The following CACNA1S variants were observed in gnomAD, a reference collection of about 807,000 sequenced individuals.
CACNA1S encodes the protein voltage-dependent L-type calcium channel subunit alpha-1S.
In CACNA1S, 126 loss-of-function variants were observed where a neutral mutation model predicts 207.4. That is an observed-to-expected ratio of 0.61 (90% CI 0.53 to 0.70). The LOEUF is 0.70. Ranked by LOEUF, CACNA1S falls within the 30% of genes least tolerant of loss-of-function variation. The pLI is 0.00. For synonymous variants in CACNA1S, 960 were observed against 932.7 expected (o/e 1.03, Z -0.53); for missense variants, 2,349 against 2,422.8 (o/e 0.97, Z 0.64).
rs562885310 is a variant in CACNA1S at position 201,069,252 on chromosome 1, TCAG to T, written c.2491-59_2491-57del. On this transcript the variant is annotated intron_variant, in intron 18 of 43. Transcript: ENST00000362061. The stretch of plus-strand genomic sequence containing the variant: ...GTGAGAGGAGGAGGGGGCAACAGTA[TCAG>T]CAGCAGCAGCAGCATAAAGCAGGCA... 1,861 of 1,528,980 alleles carry T rather than the reference TCAG, an allele frequency of 1.2e-3. 2 individuals carry two copies. The highest frequency in any genetic ancestry group is 1.4e-3 in the Non-Finnish European group (1,596 of 1,103,240). 94.7% of individuals were successfully genotyped at this position (1,528,980 alleles called of 1,614,324 possible).
At chr1:201,105,508 T>C (rs1662844544) in intron 2 of CACNA1S, among the ~76,000 whole-genome samples, 1 of 152,138 alleles carries the variant, frequency 6.6e-6, no homozygotes, top group African/African-American at 2.4e-5. Context: ...AGATTCTAGC[T>C]CCAGAACCCA....
intron 40 of CACNA1S, 97 bp from the exon 41 acceptor site, chr1:201,041,686 T>TGTA (rs928415446): frequency 6.7e-6 from 6 of 895,554 alleles, no homozygotes; most frequent in African/African-American, 3.3e-5. Context: ...CCTCAGAGCC[T>TGTA]GTACAAGGCC....
chr1:201,099,433 C>A (rs1003459373), intron 2 of CACNA1S, among the ~76,000 whole-genome samples: 1 of 152,232 alleles, frequency 6.6e-6, no homozygotes, highest in African/African-American at 2.4e-5. Flanking sequence ...GGAATGTGCA[C>A]TGCCACCACA....
At position 201,053,308 on chromosome 1, in the gene CACNA1S, T is replaced by TA. The variant is rs1558057877; in HGVS notation, c.3796-35dup. On this transcript the variant is annotated intron_variant, in intron 30 of 43. Transcript: ENST00000362061. This position sits in a 1 kb window ranked among gnomAD's most constrained non-coding sequence, Gnocchi z 5.1. Reference sequence around the variant, plus strand: ...CGGGCGGGAGCGCCAGTCAGTGTCTTAGGGCTCCACTGTGTGTCTGCAGCC... The same window carrying TA: ...CGGGCGGGAGCGCCAGTCAGTGTCTTAAGGGCTCCACTGTGTGTCTGCAGCC... 1 of 1,613,502 alleles carries TA rather than the reference T, an allele frequency of 6.2e-7. No individual in the cohort carries two copies. Among genetic ancestry groups the TA allele is most frequent in the Non-Finnish European group, 8.5e-7 (1 of 1,179,540 alleles).
In CACNA1S at chr1:201,040,124, G is replaced by C. The variant is rs758219164; in HGVS notation, c.5371-42C>G. ...AGGCTGAGTGGGGTCTTCCTGGGGA[G>C]CCACATTTGGGGACCTGCCTCTGTT... On this transcript the variant is annotated intron_variant, in intron 43 of 43. Transcript: ENST00000362061. 10 of 1,612,706 alleles carry C rather than the reference G, an allele frequency of 6.2e-6. No homozygotes were observed. In the South Asian group the frequency reaches 1.1e-4, roughly 18 times the overall value.
In CACNA1S at chr1:201,084,967, G is replaced by C; in HGVS notation, c.1215C>G (p.Asn405Lys). ...ATACTCACATGAACTGGATGATTTTGTTCAAGCCTGCAATTTCATACAGGC... is the reference window on the plus strand; with the variant it reads ...ATACTCACATGAACTGGATGATTTTCTTCAAGCCTGCAATTTCATACAGGC... ...TESLYEIAGL[N>K]KIIQFIRHWR... Residue 405 changes from asparagine (N) to lysine (K), a missense_variant, in exon 9 of 44, where the codon AAC (asparagine) becomes AAG (lysine). Coordinates refer to ENST00000362061, the MANE Select transcript of CACNA1S (RefSeq NM_000069.3). The C allele has an allele frequency of 6.2e-7, 1 of 1,612,562 alleles. No individual in the cohort carries two copies. Among genetic ancestry groups the C allele is most frequent in the Admixed American group, 1.7e-5 (1 of 60,030 alleles).
intron 10 of CACNA1S, among the ~76,000 whole-genome samples, chr1:201,078,847 G>A (rs1386888471): frequency 6.6e-6 from 1 of 152,140 alleles, no homozygotes; most frequent in Non-Finnish European, 1.5e-5. Flanking sequence ...TCTAGGCCGA[G>A]CGCAGTGACT....
chr1:201,092,234 G>A (rs1346484667), intron 3 of CACNA1S, 120 bp from the exon 4 acceptor site: 7 of 962,918 alleles, frequency 7.3e-6, no homozygotes, highest in African/African-American at 3.2e-5. Context: ...GGGGAGAGAC[G>A]GCAAATACGG....
chr1:201,039,712 C>T lies in CACNA1S; in HGVS notation c.*119G>A. On this transcript the variant is annotated 3_prime_UTR_variant, in exon 44 of 44. Transcript: ENST00000362061. ...CCTGACCACCCTGCCTCAGGCCATGCATCTAGCTGCTGAGAGGGAGGGAGG... is the reference window on the plus strand; with the variant it reads ...CCTGACCACCCTGCCTCAGGCCATGTATCTAGCTGCTGAGAGGGAGGGAGG... 7.2e-7 allele frequency: 1 copy of T among 1,380,550 alleles called. No homozygotes were observed. The highest frequency in any genetic ancestry group is 1.0e-6 in the Non-Finnish European group (1 of 987,926). The allele number at this position is 1,380,550 out of a possible 1,614,324, so 85.5% of individuals were successfully genotyped here. A position where few individuals can be genotyped will look rare whatever the true frequency, so the allele number is the denominator to read the frequency against.
intron 35 of CACNA1S, 99 bp from the exon 36 acceptor site, chr1:201,048,783 C>T (rs1251251098): frequency 5.5e-6 from 6 of 1,085,398 alleles, no homozygotes; most frequent in East Asian, 2.4e-5. Flanking sequence ...GGACGGGACA[C>T]GAGGGCTGGG....
Position 201,069,190 on chromosome 1 carries a change from T to TA in CACNA1S, c.2496dup (p.Lys833Ter). ...GAGGTGAACCCGATGTCAAAGTGTT[T>TA]AAGGATCTGGGGACAGGGCAGGGGC... On this transcript the variant is annotated frameshift_variant, in exon 19 of 44. Coordinates refer to ENST00000362061, the MANE Select transcript of CACNA1S (RefSeq NM_000069.3). LOFTEE classifies it high-confidence loss of function. 6.2e-7 allele frequency: 1 copy of TA among 1,614,130 alleles called. No individual in the cohort carries two copies. Among genetic ancestry groups the TA allele is most frequent in the African/African-American group, 1.3e-5 (1 of 75,040 alleles).
chr1:201,085,476 G>A lies in CACNA1S; in HGVS notation c.1110C>T (p.Ile370=). The A allele has an allele frequency of 6.2e-7, 1 of 1,613,460 alleles. No homozygotes were observed. Residue 370 remains isoleucine (I), a synonymous_variant, in exon 8 of 44, where the codon ATC becomes ATT. Coordinates refer to ENST00000362061, the MANE Select transcript of CACNA1S (RefSeq NM_000069.3). ...DEDLRGYMSW[I]TQGEVMDVED... ...CAACATCCATGACCTCGCCCTGCGT[G>A]ATCCAGCTCATGTAGCCCCGAAGGT...
chr1:201,069,192 A>G lies in CACNA1S; in HGVS notation c.2495T>C (p.Leu832Pro). The change falls in exon 19 of 44, where the codon CTT (leucine) becomes CCT (proline). Residue 832 changes from leucine (L) to proline (P), a missense_variant. Transcript: ENST00000362061. ...IRADSMRNQILKHFDIGFTSV... is the reference protein window; with the variant it reads ...IRADSMRNQIPKHFDIGFTSV... The stretch of plus-strand genomic sequence containing the variant: ...GGTGAACCCGATGTCAAAGTGTTTA[A>G]GGATCTGGGGACAGGGCAGGGGCGG... 2.5e-6 allele frequency: 4 copies of G among 1,614,140 alleles called. No individual in the cohort carries two copies. Among genetic ancestry groups the G allele is most frequent in the Non-Finnish European group, 2.5e-6 (3 of 1,179,970 alleles).
intron 32 of CACNA1S, 80 bp from the exon 33 acceptor site, chr1:201,051,223 G>A: frequency 6.8e-6 from 10 of 1,475,414 alleles, no homozygotes; most frequent in South Asian, 5.7e-5. Context: ...TGGCAGCAGG[G>A]TGTGGACAGA....
chr1:201,074,535 A>T lies in CACNA1S; in HGVS notation c.2034T>A (p.Ala678=), dbSNP rs772953396. 24 of 1,613,606 alleles carry T rather than the reference A, an allele frequency of 1.5e-5. No individual in the cohort carries two copies. In the South Asian group the frequency reaches 2.6e-4, roughly 18 times the overall value. Residue 678 remains alanine (A), a synonymous_variant, in exon 14 of 44, where the codon GCT becomes GCA. Coordinates refer to ENST00000362061, the MANE Select transcript of CACNA1S (RefSeq NM_000069.3). ...ESLTSAQKAK[A]EEKKRRKMSK... is the part of the protein sequence containing the mutation. ...ACATCTTCCTGCGTTTTTTCTCCTC[A>T]GCCTTGGCCTTCTGGGCAGAAGTCA...
chr1:201,103,012 G>A (rs1572072124), intron 2 of CACNA1S, among the ~76,000 whole-genome samples: 1 of 152,250 alleles, frequency 6.6e-6, no homozygotes, highest in Middle Eastern at 3.4e-3. Flanking sequence ...TGCACTCATG[G>A]ATATAACAGT....
At position 201,069,184 on chromosome 1, in the gene CACNA1S, A is replaced by T; in HGVS notation, c.2503T>A (p.Phe835Ile). ...AAGACAGAGGTGAACCCGATGTCAAAGTGTTTAAGGATCTGGGGACAGGGC... is the reference window on the plus strand; with the variant it reads ...AAGACAGAGGTGAACCCGATGTCAATGTGTTTAAGGATCTGGGGACAGGGC... ...DSMRNQILKH[F>I]DIGFTSVFTV... The change falls in exon 19 of 44, where the codon TTT becomes ATT. Residue 835 changes from phenylalanine (F) to isoleucine (I), a missense_variant. By Grantham distance (21) the Phe-to-Ile change is conservative. Coordinates refer to ENST00000362061, the MANE Select transcript of CACNA1S (RefSeq NM_000069.3). 2 of 1,614,138 alleles carry T rather than the reference A, an allele frequency of 1.2e-6. No homozygotes were observed. Among genetic ancestry groups the T allele is most frequent in the South Asian group, 1.1e-5 (1 of 91,078 alleles).
At chr1:201,059,940 A>C (rs1490879259) in intron 26 of CACNA1S, among the ~76,000 whole-genome samples, 1 of 152,222 alleles carries the variant, frequency 6.6e-6, no homozygotes, top group African/African-American at 2.4e-5. Context: ...CCTTCCAGGT[A>C]GTTTGGGAGG....
At chr1:201,060,880 A>G (rs1661024030) in intron 25 of CACNA1S, 64 bp from the exon 26 acceptor site, 2 of 1,593,524 alleles carry the variant, frequency 1.3e-6, no homozygotes, top group Non-Finnish European at 1.7e-6. Context: ...CCACACCCAC[A>G]TCCATGGGAT....
Sources: gnomAD v4.1 joint callset for allele counts (sites outside exome capture counted in the v4.1 genomes callset) on GRCh38, gnomAD v4.1.1 for gene constraint, Gnocchi (gnomAD v3.1) non-coding constraint, MANE v1.5 for transcripts, NCBI Gene and HGNC (gene_info 2026-07-23, HGNC 2026-07-21) for gene names.